ASTN2: variants seen among roughly 807,000 people sequenced by gnomAD.
ASTN2 encodes astrotactin-2.
ASTN2 carries 54 observed loss-of-function variants against 139.8 expected under a neutral mutation model. The observed-to-expected ratio is 0.39, with a 90% CI of 0.31 to 0.48. The LOEUF is 0.48. ASTN2 is among the 20% of genes least tolerant of loss of function. The pLI is 0.95. For missense variants in ASTN2, 1,565 were observed against 1,725.1 expected, an observed-to-expected ratio of 0.91 and a Z score of 1.64; for synonymous variants, 756 against 719.5, an observed-to-expected ratio of 1.05 and a Z score of -0.81.
intron 1 of ASTN2, among the ~76,000 whole-genome samples, chr9:117,376,437 A>G (rs1188594060): frequency 6.6e-6 from 1 of 152,220 alleles, no homozygotes; most frequent in African/African-American, 2.4e-5. Context: ...AATAATCCTT[A>G]TGAATGATTT....
chr9:116,910,533 C>A (rs536424271), intron 10 of ASTN2, among the ~76,000 whole-genome samples: 1 of 152,196 alleles, frequency 6.6e-6, no homozygotes, highest in African/African-American at 2.4e-5. Context: ...CTGATTACAA[C>A]CCCCATCTTT....
chr9:117,305,502 T>C (rs1197324881), intron 1 of ASTN2, among the ~76,000 whole-genome samples: 1 of 152,174 alleles, frequency 6.6e-6, no homozygotes, highest in Non-Finnish European at 1.5e-5. Context: ...CCACCTGGAT[T>C]CCCACCTCTG....
intron 13 of ASTN2, among the ~76,000 whole-genome samples, chr9:116,769,664 G>A (rs1011529049): frequency 3.3e-5 from 5 of 152,168 alleles, no homozygotes; most frequent in Admixed American, 2.6e-4. Flanking sequence ...AGAGATGCAA[G>A]AATATATGTG....
chr9:116,502,238 A>C (rs1264283572), intron 19 of ASTN2, among the ~76,000 whole-genome samples: 1 of 151,800 alleles, frequency 6.6e-6, no homozygotes, highest in Non-Finnish European at 1.5e-5. Context: ...AGACACACAG[A>C]GAGAGACAGA....
At chr9:116,898,718 G>T (rs1023854497) in intron 10 of ASTN2, among the ~76,000 whole-genome samples, 1 of 152,120 alleles carries the variant, frequency 6.6e-6, no homozygotes, top group Non-Finnish European at 1.5e-5. Flanking sequence ...TGTACAGGTT[G>T]GAGTGCAGTG....
intron 10 of ASTN2, among the ~76,000 whole-genome samples, chr9:116,971,519 G>A (rs1181700026): frequency 1.3e-5 from 2 of 152,062 alleles, no homozygotes; most frequent in Non-Finnish European, 2.9e-5. Context: ...CATTCATTCT[G>A]TAACCATGTC....
chr9:116,683,198 T>C (rs961134472), intron 16 of ASTN2, among the ~76,000 whole-genome samples: 2 of 152,014 alleles, frequency 1.3e-5, no homozygotes, highest in African/African-American at 4.8e-5. Context: ...GGTTTCTGAT[T>C]AAAAACTCTG....
chr9:116,940,072 C>T (rs1159606393), intron 10 of ASTN2, among the ~76,000 whole-genome samples: 2 of 152,184 alleles, frequency 1.3e-5, no homozygotes, highest in East Asian at 3.8e-4. Flanking sequence ...AACAACTATG[C>T]TACTGGTTTA....
At chr9:116,992,177 A>G (rs1836879112) in intron 7 of ASTN2, among the ~76,000 whole-genome samples, 1 of 152,132 alleles carries the variant, frequency 6.6e-6, no homozygotes, top group Non-Finnish European at 1.5e-5. Flanking sequence ...TCTCAAGAGG[A>G]AGAAAATTAA....
intron 13 of ASTN2, among the ~76,000 whole-genome samples, chr9:116,741,846 T>C (rs1353152391): frequency 2.6e-5 from 4 of 152,216 alleles, no homozygotes; most frequent in Admixed American, 6.5e-5. Context: ...ACTGTTCTCA[T>C]ATGCTCTACT....
At chr9:116,537,413 T>C (rs555795758) in intron 19 of ASTN2, among the ~76,000 whole-genome samples, 1 of 152,380 alleles carries the variant, frequency 6.6e-6, no homozygotes, top group South Asian at 2.1e-4. Context: ...CACATTCATT[T>C]GACAGTTTAT....
intron 16 of ASTN2, among the ~76,000 whole-genome samples, chr9:116,712,731 C>T (rs762361871): frequency 6.6e-6 from 1 of 152,164 alleles, no homozygotes; most frequent in Non-Finnish European, 1.5e-5. Flanking sequence ...GCGTTCCTTT[C>T]TAGACTCAAC....
chr9:117,297,943 G>T lies in ASTN2; in HGVS notation c.443-6430C>A, dbSNP rs189374922. On this transcript the variant is annotated intron_variant, in intron 1 of 22. Transcript: ENST00000313400. The stretch of plus-strand genomic sequence containing the variant: ...TAAATGAAACAAATCATATAAGTCA[G>T]CCTTCCTGGGTGCACAGCAGGTGGG... Among the ~76,000 whole-genome samples the T allele has an allele frequency of 1.3e-4, 20 of 152,294 alleles. No homozygotes were observed. In the East Asian group the frequency reaches 1.7e-3, roughly 13 times the overall value.
chr9:117,080,781 C>G (rs1234485103), intron 5 of ASTN2, among the ~76,000 whole-genome samples: 2 of 152,110 alleles, frequency 1.3e-5, no homozygotes, highest in Non-Finnish European at 2.9e-5. Flanking sequence ...CTTCCACAGA[C>G]AGAAGCCTAG....
At chr9:117,018,923 C>T (rs758246049) in intron 6 of ASTN2, among the ~76,000 whole-genome samples, 45 of 152,064 alleles carry the variant, frequency 3.0e-4, no homozygotes, top group Non-Finnish European at 4.9e-4. Context: ...CTGTACATGT[C>T]CTAAATTGCA....
chr9:116,919,640 A>ATTT (rs72054196), intron 10 of ASTN2, among the ~76,000 whole-genome samples: 2,121 of 113,540 alleles, frequency 0.019, 100 homozygotes, highest in East Asian at 0.063. Context: ...CAAAAACATC[A>ATTT]TTTTTTTTTT....
chr9:116,531,306 C>A (rs1280615350), intron 19 of ASTN2, among the ~76,000 whole-genome samples: 2 of 152,194 alleles, frequency 1.3e-5, no homozygotes, highest in South Asian at 4.1e-4. Context: ...GGCAATAGGG[C>A]ATAATCACAA....
At chr9:117,096,002 T>C (rs532673773) in intron 5 of ASTN2, 42 bp downstream of exon 5, 26 of 1,566,088 alleles carry the variant, frequency 1.7e-5, no homozygotes, top group African/African-American at 1.1e-4. Context: ...AGGATTTCCT[T>C]CTACAAACTC....
intron 19 of ASTN2, among the ~76,000 whole-genome samples, chr9:116,548,351 C>T (rs1852195529): frequency 6.6e-6 from 1 of 152,208 alleles, no homozygotes; most frequent in Middle Eastern, 3.2e-3. Context: ...GGACATGACC[C>T]TGACCAGCTC....
Sources: gnomAD v4.1 joint callset for allele counts (sites outside exome capture counted in the v4.1 genomes callset) on GRCh38, gnomAD v4.1.1 for gene constraint, MANE v1.5 for transcripts, NCBI Gene and HGNC (gene_info 2026-07-23, HGNC 2026-07-21) for gene names.